The following CCDC149 variants were observed in gnomAD, a reference collection of about 807,000 sequenced individuals.
CCDC149 encodes coiled-coil domain-containing protein 149.
CCDC149 carries 45 observed loss-of-function variants against 59.9 expected under a neutral mutation model. The ratio of observed to expected loss-of-function variants is 0.75; its 90% CI spans 0.59 to 0.96. The LOEUF is 0.96. CCDC149 is among the 40% of genes least tolerant of loss of function. The probability of loss-of-function intolerance (pLI) is 0.00; values close to 1 mark genes in which losing one functional copy is unlikely to be tolerated. For synonymous variants in CCDC149, 245 were observed against 260.6 expected, an observed-to-expected ratio of 0.94 and a Z score of 0.58; for missense variants, 584 against 664.7, an observed-to-expected ratio of 0.88 and a Z score of 1.33.
At chr4:24,839,042 A>T (rs1272886760) in intron 4 of CCDC149, among the ~76,000 whole-genome samples, 10 of 134,346 alleles carry the variant, frequency 7.4e-5, no homozygotes, top group Admixed American at 5.3e-4. Context: ...ACACACACAC[A>T]CACACACACA....
At chr4:24,820,985 T>C (rs1308156784) in intron 11 of CCDC149, 70 bp downstream of exon 11, 1 of 860,114 alleles carries the variant, frequency 1.2e-6, no homozygotes, top group Non-Finnish European at 1.5e-6. Context: ...TTCTACTTAT[T>C]TACATGCAGG....
rs576460475 is a variant in CCDC149, at chr4:24,808,782, G to A, written c.1230C>T (p.Ala410=). Residue 410 remains alanine (A), a synonymous_variant, in exon 13 of 13, where the codon GCC becomes GCT. Transcript: ENST00000635206. The stretch of plus-strand genomic sequence containing the variant: ...CAGGCGCTGTCAACGCCTCAGCAGC[G>A]GCACAACTTTCATCTTCTTCTTGCT... The A allele has an allele frequency of 9.7e-6, 15 of 1,550,740 alleles. No individual in the cohort carries two copies. The East Asian group carries it at 1.7e-4, about 18-fold the overall frequency.
intron 1 of CCDC149, among the ~76,000 whole-genome samples, chr4:24,944,740 TCC>T: frequency 6.6e-6 from 1 of 152,234 alleles, no homozygotes; most frequent in African/African-American, 2.4e-5. Flanking sequence ...AGCACATGTA[TCC>T]CAGAACTTAA....
chr4:24,843,972 C>A (rs13107594), intron 4 of CCDC149, among the ~76,000 whole-genome samples: 29,176 of 152,024 alleles, frequency 0.19, 2,993 homozygotes, highest in Admixed American at 0.23. Context: ...GGCCTTTGCA[C>A]TTCCTCTGCC....
intron 1 of CCDC149, among the ~76,000 whole-genome samples, chr4:24,887,282 G>A: frequency 6.9e-6 from 1 of 144,748 alleles, no homozygotes; most frequent in East Asian, 2.2e-4. Context: ...TAGTGGGGGT[G>A]GGGTGGGGGG....
intron 1 of CCDC149, among the ~76,000 whole-genome samples, chr4:24,955,878 ATGTTTTG>A (rs1300551623): frequency 2.6e-5 from 4 of 152,364 alleles, no homozygotes; most frequent in African/African-American, 9.6e-5. Context: ...GGTAAAGTTT[ATGTTTTG>A]TGTTTTACCA....
chr4:24,815,402 C>T (rs1228569006), intron 12 of CCDC149, among the ~76,000 whole-genome samples: 2 of 152,044 alleles, frequency 1.3e-5, no homozygotes, highest in African/African-American at 2.4e-5. Context: ...TGAGAAACAG[C>T]GGGTCAAAAT....
intron 3 of CCDC149, among the ~76,000 whole-genome samples, chr4:24,859,328 A>G (rs1461865020): frequency 6.6e-6 from 1 of 152,216 alleles, no homozygotes; most frequent in Non-Finnish European, 1.5e-5. Context: ...TGGATGTACT[A>G]AACGCATTTT....
In CCDC149 at chr4:24,893,613, C is replaced by CTTTTTTTTTTTTTTTTTTTTTTTT. The variant is rs3066508; in HGVS notation, c.64-16917_64-16916insAAAAAAAAAAAAAAAAAAAAAAAA. Reference sequence around the variant, plus strand: ...CTTCTAGCACAATCTAAAATACAGACTTTTTTTTTTTTTTTTTTTTTGAGA... The same window carrying CTTTTTTTTTTTTTTTTTTTTTTTT: ...CTTCTAGCACAATCTAAAATACAGACTTTTTTTTTTTTTTTTTTTTTTTTTTTTTTTTTTTTTTTTTTTTTGAGA... On this transcript the variant is annotated intron_variant, in intron 1 of 12. Transcript: ENST00000635206. 1.1e-3 allele frequency among the ~76,000 whole-genome samples: 72 copies of CTTTTTTTTTTTTTTTTTTTTTTTT among 65,878 alleles called. 21 individuals carry two copies. Among genetic ancestry groups the CTTTTTTTTTTTTTTTTTTTTTTTT allele is most frequent in the East Asian group, 1.8e-3 (3 of 1,700 alleles). 43.2% of individuals were successfully genotyped at this position (65,878 alleles called of 152,430 possible). A position where few individuals can be genotyped will look rare whatever the true frequency, so the allele number is the denominator to read the frequency against.
At chr4:24,946,987 A>G (rs1723129972) in intron 1 of CCDC149, among the ~76,000 whole-genome samples, 1 of 152,120 alleles carries the variant, frequency 6.6e-6, no homozygotes, top group Non-Finnish European at 1.5e-5. Context: ...ATGCTTTCCT[A>G]AAGTCGATTT....
intron 1 of CCDC149, among the ~76,000 whole-genome samples, chr4:24,909,374 T>C (rs2109322947): frequency 6.6e-6 from 1 of 152,204 alleles, no homozygotes; most frequent in South Asian, 2.1e-4. Context: ...AACCATTTCG[T>C]AACACCACAG....
At chr4:24,878,915 A>G (rs1233908917) in intron 1 of CCDC149, among the ~76,000 whole-genome samples, 2 of 152,200 alleles carry the variant, frequency 1.3e-5, no homozygotes, top group Non-Finnish European at 2.9e-5. Flanking sequence ...CACGGTCCAA[A>G]TAGGGCCATG....
In CCDC149 at chr4:24,874,257, TTTGTTTTGTTTTTTTTTG is replaced by T. The variant is rs1161831195; in HGVS notation, c.226-556_226-539del. 5.7e-4 allele frequency among the ~76,000 whole-genome samples: 30 copies of T among 52,546 alleles called. 1 individual carries two copies. Among genetic ancestry groups the T allele is most frequent in the Admixed American group, 1.7e-3 (7 of 4,134 alleles). The allele number at this position is 52,546 out of a possible 152,430, so 34.5% of individuals were successfully genotyped here. Reference sequence around the variant, plus strand: ...CCTATTAGATTTGTTTTTTTTTTTTTTTGTTTTGTTTTTTTTTGTTTTTTTGCCTTAAAAGGATTCTGG... The same window carrying T: ...CCTATTAGATTTGTTTTTTTTTTTTTTTTTTTTGCCTTAAAAGGATTCTGG... On this transcript the variant is annotated intron_variant, in intron 2 of 12. Coordinates refer to ENST00000635206, the MANE Select transcript of CCDC149 (RefSeq NM_001330643.2).
intron 1 of CCDC149, among the ~76,000 whole-genome samples, chr4:24,920,169 TA>T (rs1273712835): frequency 2.0e-5 from 3 of 152,228 alleles, no homozygotes; most frequent in African/African-American, 7.2e-5. Context: ...AACATTGGTT[TA>T]TTACCATCTC....
chr4:24,913,106 G>C (rs1411652996), upstream of CCDC149, among the ~76,000 whole-genome samples: 2 of 150,502 alleles, frequency 1.3e-5, no homozygotes, highest in East Asian at 3.9e-4. Flanking sequence ...GGCCGCAGCC[G>C]AGCCCCGCCG....
chr4:24,841,660 G>A (rs535877900), intron 4 of CCDC149, among the ~76,000 whole-genome samples: 1 of 152,350 alleles, frequency 6.6e-6, no homozygotes, highest in East Asian at 1.9e-4. Context: ...TGCCTTCCGA[G>A]CTGACAGCTG....
chr4:24,861,367 A>C (rs537862848), intron 3 of CCDC149, among the ~76,000 whole-genome samples: 2 of 152,242 alleles, frequency 1.3e-5, no homozygotes, highest in East Asian at 1.9e-4. Context: ...TATTATTCTA[A>C]ATGAAGTAAC....
rs1290420791 is a variant in CCDC149, at chr4:24,837,328, A to G, written c.562T>C (p.Tyr188His). ...TTGAGCCTCTCCACTTTGTCCTGGTAGGAAGACCGTTCTTCTTTAACATCC... is the reference window on the plus strand; with the variant it reads ...TTGAGCCTCTCCACTTTGTCCTGGTGGGAAGACCGTTCTTCTTTAACATCC... Residue 188 changes from tyrosine to histidine, a missense_variant, in exon 6 of 13, where the codon TAC (tyrosine) becomes CAC (histidine). Physicochemically the swap from Tyr to His is moderately conservative, Grantham distance 83. Coordinates refer to ENST00000635206, the MANE Select transcript of CCDC149 (RefSeq NM_001330643.2). This position sits in a 1 kb window ranked among gnomAD's most constrained non-coding sequence, Gnocchi z 4.3. 1.2e-6 allele frequency: 2 copies of G among 1,614,158 alleles called. No homozygotes were observed. Among genetic ancestry groups the G allele is most frequent in the Admixed American group, 3.3e-5 (2 of 60,026 alleles).
chr4:24,851,513 A>C (rs1248664817), intron 4 of CCDC149, among the ~76,000 whole-genome samples: 4 of 152,310 alleles, frequency 2.6e-5, no homozygotes, highest in African/African-American at 9.6e-5. Context: ...ATTGAAAGTG[A>C]CCAAAAGATG....
Sources: gnomAD v4.1 joint callset for allele counts (sites outside exome capture counted in the v4.1 genomes callset) on GRCh38, gnomAD v4.1.1 for gene constraint, Gnocchi (gnomAD v3.1) non-coding constraint, MANE v1.5 for transcripts, NCBI Gene and HGNC (gene_info 2026-07-23, HGNC 2026-07-21) for gene names.